Variants in RORA observed in about 807,000 individuals in gnomAD.
RORA encodes RAR related orphan receptor A, also known as nuclear receptor ROR-alpha.
RORA carries 7 observed loss-of-function variants against 69.5 expected under a neutral mutation model. That is an observed-to-expected ratio of 0.10 (90% confidence interval 0.06 to 0.19). RORA has a LOEUF of 0.19. Among genes scored for constraint, RORA ranks in the 10% least tolerant of loss-of-function variants. The pLI is 1.00. For missense variants in RORA, 457 were observed against 663.0 expected, an observed-to-expected ratio of 0.69 and a Z score of 3.41; for synonymous variants, 261 against 240.8, an observed-to-expected ratio of 1.08 and a Z score of -0.78.
In RORA at chr15:60,715,751, T is replaced by A. The variant is rs1349640712; in HGVS notation, c.167-37065A>T. ...GTACACAGTTGTGTTTGTGTAAATG[T>A]ACACAACTGTATGCATGTACACAAA... On this transcript the variant is annotated intron_variant, in intron 1 of 10. Coordinates refer to ENST00000335670, the MANE Select transcript of RORA (RefSeq NM_134261.3). 7.2e-5 allele frequency among the ~76,000 whole-genome samples: 11 copies of A among 152,164 alleles called. No individual in the cohort carries two copies. The South Asian group carries it at 1.9e-3, about 26-fold the overall frequency.
At chr15:61,073,957 T>C (rs2078408828) in intron 1 of RORA, among the ~76,000 whole-genome samples, 2 of 152,218 alleles carry the variant, frequency 1.3e-5, no homozygotes, top group African/African-American at 4.8e-5. Flanking sequence ...CATAAGATAC[T>C]ATTTCCTTCA....
intron 1 of RORA, among the ~76,000 whole-genome samples, chr15:60,975,194 A>G (rs1893841477): frequency 6.6e-6 from 1 of 152,130 alleles, no homozygotes; most frequent in Admixed American, 6.5e-5. Context: ...AAGCTGCTGC[A>G]CCTAGCAGGG....
chr15:60,882,089 G>A (rs1411957045), intron 1 of RORA, among the ~76,000 whole-genome samples: 1 of 152,184 alleles, frequency 6.6e-6, no homozygotes, highest in Admixed American at 6.5e-5. Flanking sequence ...CTTCAGCCTT[G>A]ATTTGCCCCA....
At chr15:60,755,869 C>T (rs1175116802) in intron 1 of RORA, among the ~76,000 whole-genome samples, 3 of 152,350 alleles carry the variant, frequency 2.0e-5, no homozygotes, top group Admixed American at 2.0e-4. Flanking sequence ...TTCCATACCT[C>T]TGCAGAAAAC....
chr15:61,023,109 A>G (rs923224452), intron 1 of RORA, among the ~76,000 whole-genome samples: 4 of 140,856 alleles, frequency 2.8e-5, no homozygotes, highest in African/African-American at 1.0e-4. Flanking sequence ...AATCGCTTGA[A>G]CCCAGGAGGC....
intron 1 of RORA, among the ~76,000 whole-genome samples, chr15:61,165,740 A>G (rs2079535611): frequency 6.6e-6 from 1 of 152,226 alleles, no homozygotes; most frequent in Non-Finnish European, 1.5e-5. Flanking sequence ...CACTTTAAAC[A>G]TGAAAGCTGA....
At chr15:60,624,017 G>C (rs1366120098) in intron 2 of RORA, among the ~76,000 whole-genome samples, 1 of 152,042 alleles carries the variant, frequency 6.6e-6, no homozygotes, top group Non-Finnish European at 1.5e-5. Context: ...ACATGGAGCA[G>C]GTGGAGAGTA....
chr15:60,675,064 C>G (rs1450189847), intron 2 of RORA, among the ~76,000 whole-genome samples: 1 of 152,148 alleles, frequency 6.6e-6, no homozygotes, highest in Non-Finnish European at 1.5e-5. Flanking sequence ...TTTCCAGTAG[C>G]TGGAAAGAGC....
Position 60,974,292 on chromosome 15 carries a change from T to C in RORA, c.166+254761A>G, listed in dbSNP as rs181633882. Among the ~76,000 whole-genome samples, 66 of 152,288 alleles carry C rather than the reference T, an allele frequency of 4.3e-4. 1 individual carries two copies. In the East Asian group the frequency reaches 5.8e-3, roughly 13 times the overall value. ...TGATGAAGGGAGCTGTCATAGGAAA[T>C]ATGAAGACTGTGTCTGTATCTGAAC... is the stretch of plus-strand genomic sequence containing the variant. On this transcript the variant is annotated intron_variant, in intron 1 of 10. Transcript: ENST00000335670.
intron 2 of RORA, among the ~76,000 whole-genome samples, chr15:60,562,420 T>C (rs1214047407): frequency 2.1e-5 from 3 of 141,906 alleles, no homozygotes; most frequent in Admixed American, 1.4e-4. Context: ...ATTTTTTTTT[T>C]GAGGCGGGGT....
intron 1 of RORA, among the ~76,000 whole-genome samples, chr15:60,959,082 C>T (rs1893346962): frequency 1.3e-5 from 2 of 152,206 alleles, no homozygotes; most frequent in South Asian, 4.1e-4. Context: ...TATTCCAAGG[C>T]TGTAGAATTT....
At position 61,138,831 on chromosome 15, in the gene RORA, AT is replaced by A. The variant is rs200531658; in HGVS notation, c.166+90221del. On this transcript the variant is annotated intron_variant, in intron 1 of 10. Transcript: ENST00000335670. ...TGACAGGGACACTGCATAAAATAAA[AT>A]AAAAAAATAAATTAAATTTAAAAAA... Among the ~76,000 whole-genome samples, 163 of 152,158 alleles carry A rather than the reference AT, an allele frequency of 1.1e-3. 1 individual carries two copies. Among genetic ancestry groups the A allele is most frequent in the African/African-American group, 3.8e-3 (159 of 41,446 alleles).
chr15:60,964,631 A>C (rs1893501010), intron 1 of RORA, among the ~76,000 whole-genome samples: 1 of 152,004 alleles, frequency 6.6e-6, no homozygotes. Flanking sequence ...TGGCAAATGC[A>C]GGTGAGTACA....
intron 1 of RORA, among the ~76,000 whole-genome samples, chr15:60,939,753 G>A (rs1007441908): frequency 5.9e-5 from 9 of 152,142 alleles, no homozygotes; most frequent in South Asian, 2.1e-4. Context: ...GTTCCAAGTC[G>A]GCTGTGCTAG....
intron 1 of RORA, among the ~76,000 whole-genome samples, chr15:60,973,260 C>T (rs1391024559): frequency 6.6e-6 from 1 of 152,146 alleles, no homozygotes; most frequent in Admixed American, 6.5e-5. Flanking sequence ...TCTGTGAGAA[C>T]CCTCATTCTA....
At chr15:60,608,573 G>C (rs957812662) in intron 2 of RORA, among the ~76,000 whole-genome samples, 1 of 152,144 alleles carries the variant, frequency 6.6e-6, no homozygotes, top group African/African-American at 2.4e-5. Flanking sequence ...ATTGAAAACT[G>C]ATTTCCTGTT....
At chr15:60,542,435 CT>C (rs2066902525) in intron 2 of RORA, among the ~76,000 whole-genome samples, 1 of 149,872 alleles carries the variant, frequency 6.7e-6, no homozygotes, top group African/African-American at 2.5e-5. Context: ...AGATGCACAC[CT>C]CACAGCACAG....
chr15:60,613,590 C>T lies in RORA; in HGVS notation c.196+65067G>A, dbSNP rs905660510. Among the ~76,000 whole-genome samples, 7 of 152,012 alleles carry T rather than the reference C, an allele frequency of 4.6e-5. No individual in the cohort carries two copies. The East Asian group carries it at 5.8e-4, about 13-fold the overall frequency. On this transcript the variant is annotated intron_variant, in intron 2 of 10. Coordinates refer to ENST00000335670, the MANE Select transcript of RORA (RefSeq NM_134261.3). ...AACATGCCCACCAGATTGCCAGGCA[C>T]GTCTGGCATTCATTAAATGAATGTC... is the stretch of plus-strand genomic sequence containing the variant.
chr15:60,553,774 A>C (rs1371700812), intron 2 of RORA, among the ~76,000 whole-genome samples: 1 of 152,166 alleles, frequency 6.6e-6, no homozygotes, highest in Non-Finnish European at 1.5e-5. Flanking sequence ...GCTAAAACAA[A>C]CCTTATTGAA....
Sources: gnomAD v4.1 joint callset for allele counts (sites outside exome capture counted in the v4.1 genomes callset) on GRCh38, gnomAD v4.1.1 for gene constraint, MANE v1.5 for transcripts, NCBI Gene and HGNC (gene_info 2026-07-23, HGNC 2026-07-21) for gene names.